PDZD2: variants seen among roughly 807,000 people sequenced by gnomAD.
PDZD2 encodes the protein PDZ domain-containing protein 2.
PDZD2 carries 90 observed loss-of-function variants against 220.7 expected under a neutral mutation model. The ratio of observed to expected loss-of-function variants is 0.41; its 90% confidence interval spans 0.34 to 0.49. The LOEUF is 0.49. Ranked by LOEUF, PDZD2 falls within the 20% of genes least tolerant of loss-of-function variation. The pLI, the probability that PDZD2 is intolerant of heterozygous loss-of-function variation, is 0.28. For synonymous variants in PDZD2, 1,375 were observed against 1,450.5 expected (o/e 0.95, Z 1.18); for missense variants, 3,174 against 3,608.5 (o/e 0.88, Z 3.08).
chr5:31,818,104 G>A (rs1373670151), intron 2 of PDZD2, among the ~76,000 whole-genome samples: 1 of 151,612 alleles, frequency 6.6e-6, no homozygotes, highest in Non-Finnish European at 1.5e-5. Flanking sequence ...CGAGTAGCTG[G>A]GACTACAGGT....
At chr5:32,104,716 T>TA (rs755177769) in intron 24 of PDZD2, among the ~76,000 whole-genome samples, 1,315 of 30,098 alleles carry the variant, frequency 0.044, 244 homozygotes, top group Non-Finnish European at 0.068. Context: ...AGGCTCCATC[T>TA]AAAAAAAAAA....
chr5:32,003,021 TACCACATGCATACCATACACACACTAC>T (rs1752386767), intron 5 of PDZD2, among the ~76,000 whole-genome samples: 1 of 70,872 alleles, frequency 1.4e-5, no homozygotes, highest in Non-Finnish European at 2.7e-5. Context: ...ACACACCACA[TACCACATGCATACCATACACACACTAC>T]ACACACCACA....
At chr5:31,977,935 C>T (rs1749932280) in intron 2 of PDZD2, among the ~76,000 whole-genome samples, 1 of 152,188 alleles carries the variant, frequency 6.6e-6, no homozygotes, top group Admixed American at 6.5e-5. Flanking sequence ...AATCACACCA[C>T]TGCACTCCAG....
chr5:32,000,495 GTTTTTGTTTTTGT>G lies in PDZD2; in HGVS notation c.1254+229_1254+241del. Among the ~76,000 whole-genome samples the G allele has an allele frequency of 8.9e-6, 1 of 112,114 alleles. No individual in the cohort carries two copies. Among genetic ancestry groups the G allele is most frequent in the South Asian group, 2.9e-4 (1 of 3,496 alleles). 73.6% of individuals were successfully genotyped at this position (112,114 alleles called of 152,430 possible). ...CCTTAAGAAGTTTGTTTTTGTTTTT[GTTTTTGTTTTTGT>G]TTTTGTTTTTGTTTTTTTTGAGACG... On this transcript the variant is annotated intron_variant, in intron 5 of 24. Coordinates refer to ENST00000438447, the MANE Select transcript of PDZD2 (RefSeq NM_178140.4). The surrounding 1 kb of genome is among the most constrained non-coding windows in gnomAD (Gnocchi z 4.5).
chr5:32,104,658 T>C (rs908418867), intron 24 of PDZD2, among the ~76,000 whole-genome samples: 2 of 134,174 alleles, frequency 1.5e-5, no homozygotes, highest in African/African-American at 2.9e-5. Flanking sequence ...AGGCGGAGGT[T>C]GCAGTGAGCC....
At chr5:32,081,552 T>G (rs1360416915) in intron 19 of PDZD2, among the ~76,000 whole-genome samples, 1 of 152,162 alleles carries the variant, frequency 6.6e-6, no homozygotes, top group African/African-American at 2.4e-5. Context: ...TTTTAGAGCT[T>G]CTGTCTCCTT....
intron 1 of PDZD2, among the ~76,000 whole-genome samples, chr5:31,719,232 G>A (rs1263868262): frequency 6.6e-6 from 1 of 152,106 alleles, no homozygotes; most frequent in Non-Finnish European, 1.5e-5. Context: ...AAAATGTTGA[G>A]TCATTGGATT....
chr5:31,671,907 G>A (rs887270039), intron 1 of PDZD2, among the ~76,000 whole-genome samples: 12 of 152,180 alleles, frequency 7.9e-5, no homozygotes, highest in Non-Finnish European at 1.8e-4. Context: ...ACCTGGAGGG[G>A]TGGAGCTCTA....
At chr5:31,665,893 C>T (rs1018719914) in intron 1 of PDZD2, among the ~76,000 whole-genome samples, 2 of 152,164 alleles carry the variant, frequency 1.3e-5, no homozygotes, top group Non-Finnish European at 2.9e-5. Flanking sequence ...ACTTCAGCCT[C>T]TAGAGAAAAG....
chr5:31,700,546 G>A (rs117617652), intron 1 of PDZD2, among the ~76,000 whole-genome samples: 3,358 of 152,224 alleles, frequency 0.022, 64 homozygotes, highest in South Asian at 0.075. Context: ...TCAGGCCAGG[G>A]TTGCCGCATT....
chr5:31,816,287 C>CAAAAAAAAAAAAAA (rs34233316), intron 2 of PDZD2, among the ~76,000 whole-genome samples: 4 of 99,134 alleles, frequency 4.0e-5, no homozygotes, highest in African/African-American at 8.4e-5. Flanking sequence ...GACTCCATCT[C>CAAAAAAAAAAAAAA]AAAAAAAAAA....
intron 1 of PDZD2, among the ~76,000 whole-genome samples, chr5:31,787,072 A>C (rs966122132): frequency 6.6e-6 from 1 of 152,214 alleles, no homozygotes; most frequent in African/African-American, 2.4e-5. Context: ...GTGGGTTGGT[A>C]GTATCATGGC....
intron 2 of PDZD2, chr5:31,936,234 TAAAGACCTG>T (rs1745713100): frequency 2.0e-6 from 2 of 987,664 alleles, no homozygotes; most frequent in South Asian, 9.4e-5. Flanking sequence ...CCCAGGACTT[TAAAGACCTG>T]AATGGAGAAG....
chr5:31,709,013 G>A (rs1424596555), intron 1 of PDZD2, among the ~76,000 whole-genome samples: 8 of 151,304 alleles, frequency 5.3e-5, no homozygotes, highest in Non-Finnish European at 7.4e-5. Context: ...TCAGCCTCCC[G>A]AGTAGCTGGG....
chr5:31,685,893 T>C (rs908165623), intron 1 of PDZD2, among the ~76,000 whole-genome samples: 2 of 152,060 alleles, frequency 1.3e-5, no homozygotes, highest in Admixed American at 1.3e-4. Context: ...TTATGAAAGA[T>C]GAAGACTTTT....
chr5:31,875,013 C>T (rs1232613909), intron 2 of PDZD2, among the ~76,000 whole-genome samples: 1 of 152,148 alleles, frequency 6.6e-6, no homozygotes, highest in East Asian at 1.9e-4. Context: ...TATAGATAAG[C>T]ATGTGCATTT....
intron 2 of PDZD2, among the ~76,000 whole-genome samples, chr5:31,830,586 T>TC (rs1214588995): frequency 2.6e-5 from 4 of 152,114 alleles, no homozygotes; most frequent in Non-Finnish European, 5.9e-5. Context: ...TCCTCCTGCC[T>TC]CCCCAGATTC....
chr5:31,742,062 T>A (rs1750297746), intron 1 of PDZD2: 1 of 152,226 alleles, frequency 6.6e-6, no homozygotes, highest in Non-Finnish European at 1.5e-5. Flanking sequence ...ATTGAGGCCC[T>A]CTTCTTATGA....
rs968352021 is a variant in PDZD2 at position 32,072,460 on chromosome 5, G to T, written c.2725+143G>T. ...AGAGCTGGAGACCAGGCCGGGCGCG[G>T]TGGCTCACGCCTGTAATCCTAGCAC... On this transcript the variant is annotated intron_variant, in intron 17 of 24. Transcript: ENST00000438447. 7 of 668,936 alleles carry T rather than the reference G, an allele frequency of 1.0e-5. No individual in the cohort carries two copies. In the African/African-American group the frequency reaches 1.1e-4, roughly 10 times the overall value. 41.4% of individuals were successfully genotyped at this position (668,936 alleles called of 1,614,324 possible). A position where few individuals can be genotyped will look rare whatever the true frequency, so the allele number is the denominator to read the frequency against.
Sources: allele counts gnomAD v4.1 joint callset (sites outside exome capture counted in the v4.1 genomes callset), GRCh38; gene constraint gnomAD v4.1.1; non-coding constraint Gnocchi (gnomAD v3.1); transcripts MANE v1.5; gene names NCBI Gene and HGNC (gene_info 2026-07-23, HGNC 2026-07-21).